TBC1D15: variants seen among roughly 807,000 people sequenced by gnomAD.
TBC1D15 encodes the protein TBC1 domain family member 15.
A neutral mutation model predicts 95.4 loss-of-function variants in TBC1D15; 39 were observed. That is an observed-to-expected ratio of 0.41 (90% CI 0.32 to 0.53). The LOEUF is 0.53. Among genes scored for constraint, TBC1D15 ranks in the 20% least tolerant of loss-of-function variants. The pLI is 0.29. For missense variants in TBC1D15, 733 were observed against 794.3 expected (o/e 0.92, Z 0.93); for synonymous variants, 258 against 261.3 (o/e 0.99, Z 0.12).
intron 6 of TBC1D15, chr12:71,894,179 T>G (rs1897733911): frequency 1.5e-6 from 1 of 669,786 alleles, no homozygotes. Context: ...AATAAATTAT[T>G]CTTGTTGGCA....
intron 12 of TBC1D15, among the ~76,000 whole-genome samples, chr12:71,915,473 A>G (rs1566074496): frequency 6.6e-6 from 1 of 151,332 alleles, no homozygotes. Flanking sequence ...AAACACAACT[A>G]AGATGAACAT....
chr12:71,865,149 C>T (rs1891214918), intron 1 of TBC1D15, among the ~76,000 whole-genome samples: 1 of 152,126 alleles, frequency 6.6e-6, no homozygotes. Context: ...TTTCCATGTC[C>T]AGGCTCAGCA....
chr12:71,859,966 C>T (rs1031558700), intron 1 of TBC1D15, among the ~76,000 whole-genome samples: 3 of 152,120 alleles, frequency 2.0e-5, no homozygotes, highest in Non-Finnish European at 2.9e-5. Flanking sequence ...GTTCTAGTTT[C>T]ATTTTTTCTG....
At chr12:71,873,284 A>T (rs762326494) in intron 3 of TBC1D15, among the ~76,000 whole-genome samples, 2 of 152,102 alleles carry the variant, frequency 1.3e-5, no homozygotes, top group Non-Finnish European at 2.9e-5. Context: ...CCTGTTCTAG[A>T]CATTTCGTAT....
Position 71,880,413 on chromosome 12 carries a change from ATTGAAATTAAAT to A in TBC1D15, c.205-52_205-41del, listed in dbSNP as rs1174052736. ...AAACATTGAAGCTAAGATGATATGG[ATTGAAATTAAAT>A]TTGTTTTAGACTTTAAATATTTTAT... On this transcript the variant is annotated intron_variant, in intron 3 of 16. Coordinates refer to ENST00000485960, the MANE Select transcript of TBC1D15 (RefSeq NM_001146213.3). The A allele has an allele frequency of 2.8e-6, 4 of 1,446,950 alleles. No individual in the cohort carries two copies. The Admixed American group carries it at 6.8e-5, about 24-fold the overall frequency. 89.6% of individuals were successfully genotyped at this position (1,446,950 alleles called of 1,614,324 possible).
chr12:71,898,788 T>G (rs7298810), intron 10 of TBC1D15, among the ~76,000 whole-genome samples: 6 of 152,162 alleles, frequency 3.9e-5, no homozygotes, highest in African/African-American at 1.4e-4. Flanking sequence ...AGAAATAATT[T>G]TTTAAATTAT....
intron 10 of TBC1D15, among the ~76,000 whole-genome samples, chr12:71,906,141 G>C (rs1367349668): frequency 1.3e-5 from 2 of 152,138 alleles, no homozygotes; most frequent in Non-Finnish European, 2.9e-5. Flanking sequence ...CCAAAGTGCT[G>C]GGATTACAGG....
At position 71,884,895 on chromosome 12, in the gene TBC1D15, AG is replaced by A; in HGVS notation, c.431del (p.Gly144ValfsTer11). 6.2e-7 allele frequency: 1 copy of A among 1,614,066 alleles called. No individual in the cohort carries two copies. The highest frequency in any genetic ancestry group is 8.5e-7 in the Non-Finnish European group (1 of 1,179,950). On this transcript the variant is annotated frameshift_variant, in exon 5 of 17. Coordinates refer to ENST00000485960, the MANE Select transcript of TBC1D15 (RefSeq NM_001146213.3). LOFTEE classifies it high-confidence loss of function. ...CTGAAATCAATCAAGCAAAACAAAG[AG>A]GGTATGGGCTGGTCCTATTTGGTAT... ...TDLKSIKQNKEGMGWSYLVFC... is the reference protein window; with the variant it reads ...TDLKSIKQNKXGMGWSYLVFC...
chr12:71,890,224 G>T (rs1427534347), intron 5 of TBC1D15, among the ~76,000 whole-genome samples: 1 of 152,094 alleles, frequency 6.6e-6, no homozygotes, highest in East Asian at 1.9e-4. Context: ...TATTCTACTA[G>T]GTGTCAGCCC....
chr12:71,866,695 C>G (rs1420580433), intron 1 of TBC1D15, among the ~76,000 whole-genome samples: 1 of 152,236 alleles, frequency 6.6e-6, no homozygotes, highest in African/African-American at 2.4e-5. Context: ...AACCAGTCCT[C>G]CTGCCTCGAC....
chr12:71,844,892 C>T lies in TBC1D15; in HGVS notation c.30+5081C>T, dbSNP rs553886583. Among the ~76,000 whole-genome samples the T allele has an allele frequency of 2.6e-5, 4 of 152,304 alleles. No homozygotes were observed. In the East Asian group the frequency reaches 7.7e-4, roughly 29 times the overall value. On this transcript the variant is annotated intron_variant, in intron 1 of 16. Coordinates refer to ENST00000485960, the MANE Select transcript of TBC1D15 (RefSeq NM_001146213.3). Reference sequence around the variant, plus strand: ...TCCTTGTGTGTGTTTTTGCCACTGACACCTTTTATTTCCAGCATGTGGTTG... The same window carrying T: ...TCCTTGTGTGTGTTTTTGCCACTGATACCTTTTATTTCCAGCATGTGGTTG...
intron 2 of TBC1D15, among the ~76,000 whole-genome samples, chr12:71,872,677 TCTGTACTTTA>T (rs1450580175): frequency 1.3e-5 from 2 of 152,280 alleles, no homozygotes; most frequent in South Asian, 4.1e-4. Flanking sequence ...TCAGGGACCG[TCTGTACTTTA>T]GATAAAATGA....
At chr12:71,888,165 T>C (rs891692324) in intron 5 of TBC1D15, among the ~76,000 whole-genome samples, 11 of 152,206 alleles carry the variant, frequency 7.2e-5, no homozygotes, top group Non-Finnish European at 1.5e-4. Context: ...CTTTTCTAAA[T>C]TTGTAAACAA....
At chr12:71,912,764 T>C (rs1902710619) in intron 11 of TBC1D15, among the ~76,000 whole-genome samples, 1 of 152,114 alleles carries the variant, frequency 6.6e-6, no homozygotes, top group Admixed American at 6.6e-5. Context: ...AAGACTATTT[T>C]CCAGACTTCC....
chr12:71,918,917 A>T (rs1868297534), intron 14 of TBC1D15, among the ~76,000 whole-genome samples: 1 of 151,640 alleles, frequency 6.6e-6, no homozygotes, highest in Non-Finnish European at 1.5e-5. Context: ...TCCATTTTTT[A>T]CCCAAGGCAA....
At chr12:71,859,279 C>T (rs1889845506) in intron 1 of TBC1D15, among the ~76,000 whole-genome samples, 1 of 151,700 alleles carries the variant, frequency 6.6e-6, no homozygotes, top group South Asian at 2.1e-4. Context: ...CTTATTTGCC[C>T]ATTTTGAAAT....
chr12:71,912,827 A>G (rs924149990), intron 11 of TBC1D15, among the ~76,000 whole-genome samples: 1 of 152,122 alleles, frequency 6.6e-6, no homozygotes, highest in African/African-American at 2.4e-5. Context: ...CACAAAAGTT[A>G]CCGAAGTTGA....
chr12:71,912,669 T>G (rs577690895), intron 11 of TBC1D15, among the ~76,000 whole-genome samples: 84 of 152,282 alleles, frequency 5.5e-4, no homozygotes, highest in Non-Finnish European at 1.1e-3. Context: ...ATCTCCTCCC[T>G]CTTTCATTAA....
At position 71,890,647 on chromosome 12, in the gene TBC1D15, G is replaced by T. The variant is rs147526121; in HGVS notation, c.555-2575G>T. ...CTAGATGGCTCACAAGCGCCAGGAA[G>T]AGGCTCTGCTAGGCTAGTCATGTGT... On this transcript the variant is annotated intron_variant, in intron 5 of 16. Transcript: ENST00000485960. Among the ~76,000 whole-genome samples, 136 of 152,258 alleles carry T rather than the reference G, an allele frequency of 8.9e-4. 1 individual carries two copies. The East Asian group carries it at 0.02, about 22-fold the overall frequency.
Sources: allele counts gnomAD v4.1 joint callset (sites outside exome capture counted in the v4.1 genomes callset), GRCh38; gene constraint gnomAD v4.1.1; transcripts MANE v1.5; gene names NCBI Gene and HGNC (gene_info 2026-07-23, HGNC 2026-07-21).